PTPRT: variants seen among roughly 807,000 people sequenced by gnomAD.
PTPRT encodes the protein receptor-type tyrosine-protein phosphatase T.
A neutral mutation model predicts 176.8 loss-of-function variants in PTPRT; 56 were observed. The observed-to-expected ratio is 0.32, with a 90% CI of 0.26 to 0.40. The LOEUF (loss-of-function observed/expected upper bound fraction) is 0.40. Ranked by LOEUF, PTPRT falls within the 10% of genes least tolerant of loss-of-function variation. The probability of loss-of-function intolerance (pLI) is 1.00; values close to 1 mark genes in which losing one functional copy is unlikely to be tolerated. For missense variants in PTPRT, 1,540 were observed against 1,908.2 expected, an observed-to-expected ratio of 0.81 and a Z score of 3.60; for synonymous variants, 783 against 739.0, an observed-to-expected ratio of 1.06 and a Z score of -0.96.
At chr20:42,953,626 C>G (rs1981409183) in intron 1 of PTPRT, among the ~76,000 whole-genome samples, 1 of 152,132 alleles carries the variant, frequency 6.6e-6, no homozygotes. Flanking sequence ...GCCTCTGGCC[C>G]CAGCACTCAG....
chr20:42,394,042 CTT>C (rs200838113), intron 9 of PTPRT, among the ~76,000 whole-genome samples: 29 of 138,446 alleles, frequency 2.1e-4, no homozygotes, highest in African/African-American at 4.5e-4. Context: ...TGTGACAGGT[CTT>C]TTTTTTTTTT....
At chr20:42,255,927 G>T (rs1466202320) in intron 13 of PTPRT, among the ~76,000 whole-genome samples, 1 of 152,144 alleles carries the variant, frequency 6.6e-6, no homozygotes, top group East Asian at 1.9e-4. Flanking sequence ...AGCTATCCAA[G>T]GGCATATTAT....
intron 7 of PTPRT, among the ~76,000 whole-genome samples, chr20:42,592,495 G>T (rs1370447043): frequency 2.6e-5 from 4 of 152,312 alleles, no homozygotes; most frequent in Non-Finnish European, 5.9e-5. Context: ...CCACTCTCAT[G>T]ATTTCAGGCT....
At chr20:42,663,193 A>G (rs1174125516) in intron 7 of PTPRT, among the ~76,000 whole-genome samples, 1 of 152,060 alleles carries the variant, frequency 6.6e-6, no homozygotes, top group African/African-American at 2.4e-5. Flanking sequence ...TTCAGTGCAA[A>G]AGATGTACAA....
intron 13 of PTPRT, among the ~76,000 whole-genome samples, chr20:42,273,318 C>T (rs1006858002): frequency 3.9e-5 from 6 of 152,110 alleles, no homozygotes; most frequent in Non-Finnish European, 5.9e-5. Context: ...TGGGTTCAAG[C>T]GATTCTCCTG....
intron 1 of PTPRT, among the ~76,000 whole-genome samples, chr20:42,965,536 A>G (rs536994825): frequency 6.6e-6 from 1 of 152,316 alleles, no homozygotes; most frequent in Non-Finnish European, 1.5e-5. Flanking sequence ...GTGTTTAACA[A>G]ACACCTCATG....
chr20:42,699,950 G>C (rs369493238), intron 6 of PTPRT, among the ~76,000 whole-genome samples: 3 of 152,168 alleles, frequency 2.0e-5, no homozygotes, highest in East Asian at 1.9e-4. Flanking sequence ...GCCCTAAATA[G>C]ATGACGTGTC....
intron 7 of PTPRT, among the ~76,000 whole-genome samples, chr20:42,601,346 A>G (rs1445919064): frequency 6.6e-6 from 1 of 152,190 alleles, no homozygotes; most frequent in African/African-American, 2.4e-5. Context: ...ATTGCAAATT[A>G]CCATCTCACC....
chr20:42,806,182 G>T (rs1365750733), intron 2 of PTPRT, among the ~76,000 whole-genome samples: 1 of 151,830 alleles, frequency 6.6e-6, no homozygotes, highest in Non-Finnish European at 1.5e-5. Context: ...CTGTAAAATG[G>T]AGATAATAAA....
intron 9 of PTPRT, among the ~76,000 whole-genome samples, chr20:42,379,096 A>G (rs1600921359): frequency 6.6e-6 from 1 of 152,282 alleles, no homozygotes; most frequent in Admixed American, 6.5e-5. Context: ...TTCTGCCTTC[A>G]GGTGCTCAAC....
At chr20:42,938,338 A>G (rs939236091) in intron 1 of PTPRT, among the ~76,000 whole-genome samples, 2 of 152,220 alleles carry the variant, frequency 1.3e-5, no homozygotes, top group Non-Finnish European at 2.9e-5. Context: ...GAGCTAGACA[A>G]TTACTGTTTT....
intron 9 of PTPRT, among the ~76,000 whole-genome samples, chr20:42,419,819 G>A (rs2059101118): frequency 6.6e-6 from 1 of 152,176 alleles, no homozygotes; most frequent in Admixed American, 6.5e-5. Context: ...CATTAGGGTG[G>A]GCCCTAGACC....
intron 16 of PTPRT, among the ~76,000 whole-genome samples, chr20:42,172,212 T>A (rs1189705533): frequency 6.6e-6 from 1 of 151,604 alleles, no homozygotes; most frequent in South Asian, 2.1e-4. Context: ...AGAAAGTAAA[T>A]ATGTATATAA....
intron 1 of PTPRT, among the ~76,000 whole-genome samples, chr20:43,018,838 TATC>T (rs1439526512): frequency 6.6e-6 from 1 of 152,200 alleles, no homozygotes; most frequent in Non-Finnish European, 1.5e-5. Flanking sequence ...AAATATTCAC[TATC>T]ATCAAGAGTT....
intron 9 of PTPRT, among the ~76,000 whole-genome samples, chr20:42,409,729 A>G (rs1327972630): frequency 6.6e-6 from 1 of 152,222 alleles, no homozygotes; most frequent in Non-Finnish European, 1.5e-5. Flanking sequence ...TTCAGGAAAG[A>G]GTTTGGCATG....
At chr20:42,407,934 A>G (rs2058977111) in intron 9 of PTPRT, among the ~76,000 whole-genome samples, 1 of 152,144 alleles carries the variant, frequency 6.6e-6, no homozygotes, top group Non-Finnish European at 1.5e-5. Flanking sequence ...ATTTGATGGG[A>G]ATGGTTCTAA....
At chr20:42,771,680 G>T (rs1292276686) in intron 4 of PTPRT, 130 bp from the exon 5 acceptor site, 9 of 695,056 alleles carry the variant, frequency 1.3e-5, no homozygotes, top group Admixed American at 2.3e-5. Context: ...GCCCGGCTCA[G>T]TCAAGATTTC....
rs35081877 is a variant in PTPRT at position 42,817,363 on chromosome 20, GTT to G, written c.215-25899_215-25898del. ...TTATTTGACATCTTAATCATGTTTGGTTTTTTTTTTTTTTTTGGTTTAACAGA... is the reference window on the plus strand; with the variant it reads ...TTATTTGACATCTTAATCATGTTTGGTTTTTTTTTTTTTTGGTTTAACAGA... On this transcript the variant is annotated intron_variant, in intron 2 of 30. Coordinates refer to ENST00000373187, the MANE Select transcript of PTPRT (RefSeq NM_007050.6). Among the ~76,000 whole-genome samples, 221 of 138,052 alleles carry G rather than the reference GTT, an allele frequency of 1.6e-3. 1 individual carries two copies. Among genetic ancestry groups the G allele is most frequent in the Admixed American group, 0.013 (184 of 13,976 alleles). 90.6% of individuals were successfully genotyped at this position (138,052 alleles called of 152,430 possible).
At chr20:42,598,532 T>C (rs1403173861) in intron 7 of PTPRT, among the ~76,000 whole-genome samples, 1 of 152,158 alleles carries the variant, frequency 6.6e-6, no homozygotes, top group African/African-American at 2.4e-5. Context: ...GACACAAAAT[T>C]TTAATAGAGG....
Sources: allele counts gnomAD v4.1 joint callset (sites outside exome capture counted in the v4.1 genomes callset), GRCh38; gene constraint gnomAD v4.1.1; transcripts MANE v1.5; gene names NCBI Gene and HGNC (gene_info 2026-07-23, HGNC 2026-07-21).